The following GNB4 variants were observed in gnomAD, a reference collection of about 807,000 sequenced individuals.
The protein encoded by GNB4 is guanine nucleotide-binding protein subunit beta-4.
A neutral mutation model predicts 45.2 loss-of-function variants in GNB4; 28 were observed. The ratio of observed to expected loss-of-function variants is 0.62; its 90% confidence interval spans 0.46 to 0.85. The LOEUF is 0.85. GNB4 is among the 40% of genes least tolerant of loss of function. The pLI is 0.00. For synonymous variants in GNB4, 132 were observed against 143.7 expected, an observed-to-expected ratio of 0.92 and a Z score of 0.58; for missense variants, 321 against 425.4, an observed-to-expected ratio of 0.75 and a Z score of 2.16.
chr3:179,426,043 G>A, intron 2 of GNB4, 101 bp downstream of exon 2: 1 of 868,496 alleles, frequency 1.2e-6, no homozygotes, highest in Non-Finnish European at 1.8e-6. Flanking sequence ...ACCATTTCTA[G>A]CCTTAGAAAT....
the GNB4 span, among the ~76,000 whole-genome samples, chr3:179,477,707 A>AT: frequency 6.6e-6 from 1 of 152,062 alleles, no homozygotes; most frequent in African/African-American, 2.4e-5. Flanking sequence ...CCCTATCTCT[A>AT]TTTTTTTAAT....
At chr3:179,492,792 G>C in the GNB4 span, among the ~76,000 whole-genome samples, 1 of 152,170 alleles carries the variant, frequency 6.6e-6, no homozygotes, top group Non-Finnish European at 1.5e-5. Context: ...TGTCAAGAAA[G>C]ATCCCTTCAG....
the GNB4 span, among the ~76,000 whole-genome samples, chr3:179,523,995 G>A: frequency 2.0e-5 from 3 of 152,186 alleles, no homozygotes; most frequent in Non-Finnish European, 4.4e-5. Context: ...AGTTTTAAGA[G>A]GTTTAGAAGC....
chr3:179,474,833 CCTCAAA>C, the GNB4 span, among the ~76,000 whole-genome samples: 7 of 143,622 alleles, frequency 4.9e-5, no homozygotes, highest in Non-Finnish European at 1.0e-4. Context: ...CTCACTGCAG[CCTCAAA>C]CTCCAAGGCT....
the GNB4 span, among the ~76,000 whole-genome samples, chr3:179,467,779 C>T: frequency 1.3e-5 from 2 of 151,906 alleles, no homozygotes; most frequent in Non-Finnish European, 2.9e-5. Flanking sequence ...AATAGGTTTG[C>T]TTCATGAAAC....
At chr3:179,438,339 C>T (rs185355929) in intron 1 of GNB4, among the ~76,000 whole-genome samples, 346 of 152,312 alleles carry the variant, frequency 2.3e-3, no homozygotes, top group Middle Eastern at 0.02. Context: ...TGACTACTTA[C>T]AGTGTGACCC....
At chr3:179,499,423 T>G in the GNB4 span, among the ~76,000 whole-genome samples, 5 of 152,154 alleles carry the variant, frequency 3.3e-5, no homozygotes, top group Non-Finnish European at 5.9e-5. Context: ...CCTCCCAAAG[T>G]GCCGGGATTA....
intron 1 of GNB4, among the ~76,000 whole-genome samples, chr3:179,435,596 C>G (rs1319251072): frequency 6.6e-6 from 1 of 151,978 alleles, no homozygotes; most frequent in Non-Finnish European, 1.5e-5. Context: ...GCATTAACAT[C>G]GCTAAGGCAA....
rs370468749 is a variant in GNB4, at chr3:179,421,179, C to T, written c.58-252G>A. 6.6e-4 allele frequency among the ~76,000 whole-genome samples: 101 copies of T among 152,168 alleles called. 3 individuals are homozygous for T. Among genetic ancestry groups the T allele is most frequent in the African/African-American group, 2.1e-3 (88 of 41,532 alleles). The stretch of plus-strand genomic sequence containing the variant: ...ACTAATTACAGAACATTTACATCAC[C>T]CCAAAAAAGAAACCCCATATCTCCT... On this transcript the variant is annotated intron_variant, in intron 2 of 9. Coordinates refer to ENST00000232564, the MANE Select transcript of GNB4 (RefSeq NM_021629.4).
intron 5 of GNB4, among the ~76,000 whole-genome samples, chr3:179,415,671 T>A (rs1010569099): frequency 1.8e-4 from 28 of 152,148 alleles, no homozygotes; most frequent in African/African-American, 6.8e-4. Context: ...GGCTAAACAG[T>A]CCATACAGGG....
the GNB4 span, chr3:179,465,204 T>C: frequency 1.5e-6 from 2 of 1,340,806 alleles, no homozygotes; most frequent in Admixed American, 1.7e-5. Context: ...ACTGCCAAAC[T>C]GAAGTTGGTT....
the GNB4 span, among the ~76,000 whole-genome samples, chr3:179,527,786 A>ATGTGTGTGTGTGTG: frequency 1.6e-3 from 196 of 124,928 alleles, no homozygotes; most frequent in South Asian, 1.3e-3. Flanking sequence ...GCGTGTGTGT[A>ATGTGTGTGTGTGTG]TGTATGTGTG....
At chr3:179,443,739 A>C (rs952836239) in intron 1 of GNB4, among the ~76,000 whole-genome samples, 3 of 152,230 alleles carry the variant, frequency 2.0e-5, no homozygotes, top group African/African-American at 7.2e-5. Flanking sequence ...CTGCTACCTC[A>C]GGATGACACT....
At chr3:179,485,000 G>GTTTTTT in the GNB4 span, among the ~76,000 whole-genome samples, 3 of 124,218 alleles carry the variant, frequency 2.4e-5, no homozygotes, top group African/African-American at 6.6e-5. Context: ...AACTTTTTTC[G>GTTTTTT]TTTTGTTTTT....
the GNB4 span, among the ~76,000 whole-genome samples, chr3:179,517,353 C>T: frequency 3.9e-5 from 6 of 152,094 alleles, 1 homozygote; most frequent in African/African-American, 7.2e-5. Flanking sequence ...TCTTATAAAA[C>T]GGCCCCACCC....
At chr3:179,433,635 A>C (rs1415166997) in intron 1 of GNB4, among the ~76,000 whole-genome samples, 1 of 151,912 alleles carries the variant, frequency 6.6e-6, no homozygotes, top group Non-Finnish European at 1.5e-5. Flanking sequence ...AAAAAAAGCA[A>C]GCAGCTTCAG....
the GNB4 span, among the ~76,000 whole-genome samples, chr3:179,476,006 C>T: frequency 1.3e-5 from 2 of 152,264 alleles, no homozygotes; most frequent in South Asian, 4.2e-4. Flanking sequence ...CCCAATAGCC[C>T]CAAAAGGTTT....
At chr3:179,435,318 T>C (rs1043953912) in intron 1 of GNB4, among the ~76,000 whole-genome samples, 1 of 152,166 alleles carries the variant, frequency 6.6e-6, no homozygotes. Flanking sequence ...TTCCTTCTTT[T>C]TACCTTTGTG....
chr3:179,430,226 C>T (rs976726688), intron 1 of GNB4, among the ~76,000 whole-genome samples: 1 of 152,076 alleles, frequency 6.6e-6, no homozygotes, highest in Non-Finnish European at 1.5e-5. Flanking sequence ...GCTGAGCCCA[C>T]AGGTGGGCAC....
Sources: gnomAD v4.1 joint callset for allele counts (sites outside exome capture counted in the v4.1 genomes callset) on GRCh38, gnomAD v4.1.1 for gene constraint, MANE v1.5 for transcripts, NCBI Gene and HGNC (gene_info 2026-07-23, HGNC 2026-07-21) for gene names.